The following ROCK1 variants were observed in gnomAD, a reference collection of about 807,000 sequenced individuals.
ROCK1 encodes the protein Rho associated coiled-coil containing protein kinase 1.
In ROCK1, 36 loss-of-function variants were observed where a neutral mutation model predicts 196.8. That is an observed-to-expected ratio of 0.18 (90% CI 0.14 to 0.24). The LOEUF (loss-of-function observed/expected upper bound fraction) is 0.24. Among genes scored for constraint, ROCK1 ranks in the 10% least tolerant of loss-of-function variants. The pLI is 1.00. For synonymous variants in ROCK1, 443 were observed against 515.9 expected, an observed-to-expected ratio of 0.86 and a Z score of 1.91; for missense variants, 920 against 1,562.0, an observed-to-expected ratio of 0.59 and a Z score of 6.93.
chr18:21,019,897 T>TA lies in ROCK1; in HGVS notation c.1361+253dup, dbSNP rs1266866256. ...TACACAATATATTATTTTCATGAAT[T>TA]AAAAAAAAAAAAAAGAATACAGACT... On this transcript the variant is annotated intron_variant, in intron 12 of 32. Coordinates refer to ENST00000399799, the MANE Select transcript of ROCK1 (RefSeq NM_005406.3). Among the ~76,000 whole-genome samples the TA allele has an allele frequency of 9.9e-3, 1,380 of 139,456 alleles. 17 individuals are homozygous for TA. Among genetic ancestry groups the TA allele is most frequent in the Admixed American group, 0.025 (345 of 13,884 alleles). The allele number at this position is 139,456 out of a possible 152,430, so 91.5% of individuals were successfully genotyped here. A position where few individuals can be genotyped will look rare whatever the true frequency, so the allele number is the denominator to read the frequency against.
At chr18:21,077,243 G>A (rs1440888382) in intron 1 of ROCK1, among the ~76,000 whole-genome samples, 1 of 152,110 alleles carries the variant, frequency 6.6e-6, no homozygotes, top group Non-Finnish European at 1.5e-5. Flanking sequence ...AAAGTGCTGG[G>A]ATTACAGGCG....
chr18:21,103,379 TAAATC>T (rs1034725588), intron 1 of ROCK1, among the ~76,000 whole-genome samples: 2 of 152,166 alleles, frequency 1.3e-5, no homozygotes, highest in African/African-American at 4.8e-5. Context: ...TCTTAAATAA[TAAATC>T]AAAGACAATT....
chr18:21,108,098 G>A (rs1367154147), intron 1 of ROCK1, among the ~76,000 whole-genome samples: 1 of 151,864 alleles, frequency 6.6e-6, no homozygotes, highest in Non-Finnish European at 1.5e-5. Context: ...AGTTCAGATT[G>A]ACGGGGTAAT....
At chr18:21,004,106 T>C (rs1025614063) in intron 16 of ROCK1, among the ~76,000 whole-genome samples, 2 of 152,150 alleles carry the variant, frequency 1.3e-5, no homozygotes, top group African/African-American at 2.4e-5. Flanking sequence ...CTATAATCAA[T>C]TGCAGCCTTA....
At chr18:21,001,368 T>C (rs1233687140) in intron 16 of ROCK1, among the ~76,000 whole-genome samples, 1 of 152,168 alleles carries the variant, frequency 6.6e-6, no homozygotes, top group Non-Finnish European at 1.5e-5. Flanking sequence ...TGTGAACATT[T>C]TGAATGTAGT....
At chr18:21,004,190 G>A (rs2035749742) in intron 16 of ROCK1, among the ~76,000 whole-genome samples, 1 of 152,012 alleles carries the variant, frequency 6.6e-6, no homozygotes, top group Non-Finnish European at 1.5e-5. Flanking sequence ...AGCTAAGAAT[G>A]GTTTTTATAC....
At chr18:21,009,925 T>C (rs914780456) in intron 13 of ROCK1, among the ~76,000 whole-genome samples, 1 of 152,222 alleles carries the variant, frequency 6.6e-6, no homozygotes, top group African/African-American at 2.4e-5. Flanking sequence ...TCACACTGTA[T>C]GAGTTGTGAT....
At chr18:21,098,072 T>C (rs2036626390) in intron 1 of ROCK1, among the ~76,000 whole-genome samples, 1 of 152,196 alleles carries the variant, frequency 6.6e-6, no homozygotes, top group African/African-American at 2.4e-5. Context: ...AAAGCCAGGG[T>C]TGGAAGCTAG....
At chr18:20,966,259 G>A (rs2035373395) in intron 27 of ROCK1, among the ~76,000 whole-genome samples, 1 of 152,018 alleles carries the variant, frequency 6.6e-6, no homozygotes, top group South Asian at 2.1e-4. Context: ...AGGTATTATA[G>A]TTTACATGAC....
chr18:21,110,984 G>T lies in ROCK1; in HGVS notation c.-74C>A. On this transcript the variant is annotated 5_prime_UTR_variant, in exon 1 of 33. Coordinates refer to ENST00000399799, the MANE Select transcript of ROCK1 (RefSeq NM_005406.3). ...GCAATTTCAACCAACTTCCTCCGCG[G>T]TGGGTTCGCAGCCGCGGGGCGGAGG... 6 of 1,295,460 alleles carry T rather than the reference G, an allele frequency of 4.6e-6. No homozygotes were observed. Among genetic ancestry groups the T allele is most frequent in the Non-Finnish European group, 6.7e-6 (6 of 896,392 alleles). 80.2% of individuals were successfully genotyped at this position (1,295,460 alleles called of 1,614,324 possible).
intron 10 of ROCK1, among the ~76,000 whole-genome samples, chr18:21,028,190 G>A (rs1365602969): frequency 1.3e-5 from 2 of 151,478 alleles, no homozygotes; most frequent in Non-Finnish European, 2.9e-5. Flanking sequence ...GGCCGAGGCA[G>A]GCAGATCATG....
chr18:20,957,050 A>G (rs984306026), intron 29 of ROCK1, among the ~76,000 whole-genome samples: 111 of 152,300 alleles, frequency 7.3e-4, no homozygotes, highest in Non-Finnish European at 1.3e-3. Flanking sequence ...ACTGAAACTC[A>G]TACTGTTGGT....
intron 29 of ROCK1, among the ~76,000 whole-genome samples, chr18:20,958,999 T>C (rs1397819272): frequency 1.2e-5 from 1 of 82,658 alleles, no homozygotes; most frequent in African/African-American, 5.1e-5. Flanking sequence ...AAAAATAATA[T>C]ATATATTTTA....
At chr18:21,062,851 T>G (rs1390670072) in intron 2 of ROCK1, among the ~76,000 whole-genome samples, 1 of 152,152 alleles carries the variant, frequency 6.6e-6, no homozygotes, top group African/African-American at 2.4e-5. Context: ...CAAGTCAGTA[T>G]CCAACGTCTA....
chr18:21,043,806 G>A (rs185463002), intron 6 of ROCK1, among the ~76,000 whole-genome samples: 1 of 151,928 alleles, frequency 6.6e-6, no homozygotes, highest in African/African-American at 2.4e-5. Context: ...TGACATTTAA[G>A]CTAATTCCAT....
chr18:20,960,130 TG>T lies in ROCK1; in HGVS notation c.3423+5del. Reference sequence around the variant, plus strand: ...ACCAGTTAGAAAATAATTAGGTATATGGTACCTGTTTCTTCCAGCCATATCG... The same window carrying T: ...ACCAGTTAGAAAATAATTAGGTATATGTACCTGTTTCTTCCAGCCATATCG... On this transcript the variant is annotated splice_donor_5th_base_variant and intron_variant, in intron 28 of 32. Transcript: ENST00000399799. The T allele has an allele frequency of 6.4e-7, 1 of 1,562,654 alleles. No individual in the cohort carries two copies. The highest frequency in any genetic ancestry group is 8.8e-7 in the Non-Finnish European group (1 of 1,133,500).
In ROCK1 at chr18:20,970,448, C is replaced by T; in HGVS notation, c.2720G>A (p.Gly907Asp). ...TKAESEQLAR[G>D]LLEEQYFELT... ...TTCAAAATACTGTTCTTCCAGAAGG[C>T]CTCGCGCCAACTGCTCAGACTCAGC... The change falls in exon 23 of 33, where the codon GGC becomes GAC. Residue 907 changes from glycine (G) to aspartate (D), a missense_variant. Coordinates refer to ENST00000399799, the MANE Select transcript of ROCK1 (RefSeq NM_005406.3). The T allele has an allele frequency of 6.2e-7, 1 of 1,613,884 alleles. No homozygotes were observed. The highest frequency in any genetic ancestry group is 8.5e-7 in the Non-Finnish European group (1 of 1,179,808).
intron 9 of ROCK1, among the ~76,000 whole-genome samples, chr18:21,033,198 A>G (rs2143487263): frequency 6.6e-6 from 1 of 152,260 alleles, no homozygotes; most frequent in African/African-American, 2.4e-5. Context: ...CCTTATCTCT[A>G]TTAAAAAAAT....
intron 9 of ROCK1, among the ~76,000 whole-genome samples, chr18:21,035,000 C>T (rs1454115559): frequency 6.6e-6 from 1 of 152,140 alleles, no homozygotes; most frequent in Admixed American, 6.5e-5. Flanking sequence ...AGAAGATATA[C>T]GAATGGCCAA....
Sources: allele counts gnomAD v4.1 joint callset (sites outside exome capture counted in the v4.1 genomes callset), GRCh38; gene constraint gnomAD v4.1.1; transcripts MANE v1.5; gene names NCBI Gene and HGNC (gene_info 2026-07-23, HGNC 2026-07-21).